Variants in SORBS2 observed in about 807,000 individuals in gnomAD.
SORBS2 encodes the protein sorbin and SH3 domain containing 2, also known as sorbin and SH3 domain-containing protein 2.
SORBS2 carries 46 observed loss-of-function variants against 97.7 expected under a neutral mutation model. That is an observed-to-expected ratio of 0.47 (90% CI 0.37 to 0.60). The LOEUF (loss-of-function observed/expected upper bound fraction) is 0.60, where lower values mean the gene tolerates loss of function less well. Among genes scored for constraint, SORBS2 ranks in the 20% least tolerant of loss-of-function variants. SORBS2 has a pLI of 0.00. For missense variants in SORBS2, 1,316 were observed against 1,282.3 expected, an observed-to-expected ratio of 1.03 and a Z score of -0.40; for synonymous variants, 476 against 473.4, an observed-to-expected ratio of 1.01 and a Z score of -0.07.
At chr4:185,863,626 T>C (rs75553267) in intron 1 of SORBS2, among the ~76,000 whole-genome samples, 1 of 152,324 alleles carries the variant, frequency 6.6e-6, no homozygotes, top group African/African-American at 2.4e-5. Context: ...TTATCATCCT[T>C]CTTCTTGTTT....
At chr4:185,934,494 C>T (rs1256954177) in intron 1 of SORBS2, among the ~76,000 whole-genome samples, 2 of 152,096 alleles carry the variant, frequency 1.3e-5, no homozygotes, top group Non-Finnish European at 2.9e-5. Context: ...ATCACGGTGG[C>T]TCACACCTGT....
chr4:185,886,563 A>AAAAAAAAAAAAAAGAAAAG (rs2099239691), intron 1 of SORBS2, among the ~76,000 whole-genome samples: 1 of 127,556 alleles, frequency 7.8e-6, no homozygotes, highest in African/African-American at 3.0e-5. Context: ...TCAAAAAAAA[A>AAAAAAAAAAAAAAGAAAAG]AAAAAAAAAA....
chr4:185,691,233 C>T (rs1174614519), intron 2 of SORBS2, among the ~76,000 whole-genome samples: 3 of 152,006 alleles, frequency 2.0e-5, no homozygotes, highest in African/African-American at 7.2e-5. Context: ...GGGTTGTGCT[C>T]TGTTACCCAG....
At chr4:185,863,154 A>G in intron 1 of SORBS2, among the ~76,000 whole-genome samples, 1 of 152,174 alleles carries the variant, frequency 6.6e-6, no homozygotes, top group East Asian at 1.9e-4. Context: ...GCATTTTTAC[A>G]TTAGGGGAAA....
At chr4:185,694,723 T>TTTTTTTTTTTTTG (rs1489055314) in intron 2 of SORBS2, among the ~76,000 whole-genome samples, 1 of 147,472 alleles carries the variant, frequency 6.8e-6, no homozygotes, top group African/African-American at 2.5e-5. Flanking sequence ...TTTCTTTTTT[T>TTTTTTTTTTTTTG]TGAGACGGAG....
At chr4:185,861,988 C>T (rs1015418441) in intron 1 of SORBS2, among the ~76,000 whole-genome samples, 10 of 152,104 alleles carry the variant, frequency 6.6e-5, no homozygotes, top group Admixed American at 2.0e-4. Flanking sequence ...GGCAATAGTC[C>T]GGATGAGAGA....
intron 2 of SORBS2, among the ~76,000 whole-genome samples, chr4:185,759,978 A>G (rs1257277432): frequency 1.3e-5 from 2 of 152,196 alleles, no homozygotes; most frequent in Non-Finnish European, 2.9e-5. Context: ...TCATATTCCT[A>G]TGGGGCAAAT....
At chr4:185,663,931 T>C (rs924601221) in intron 4 of SORBS2, among the ~76,000 whole-genome samples, 4 of 140,864 alleles carry the variant, frequency 2.8e-5, no homozygotes, top group Non-Finnish European at 4.5e-5. Context: ...CTCGGCTCAC[T>C]GCAAGCTCCG....
At chr4:185,664,766 T>A (rs1582185273) in intron 4 of SORBS2, among the ~76,000 whole-genome samples, 1 of 152,328 alleles carries the variant, frequency 6.6e-6, no homozygotes, top group South Asian at 2.1e-4. Flanking sequence ...TCTCTGCGCA[T>A]AAAATTTGCA....
chr4:185,781,894 C>T (rs561554406), intron 1 of SORBS2, among the ~76,000 whole-genome samples: 1 of 152,350 alleles, frequency 6.6e-6, no homozygotes, highest in African/African-American at 2.4e-5. Flanking sequence ...TTTTTTAACT[C>T]GTAAAGAATC....
intron 1 of SORBS2, among the ~76,000 whole-genome samples, chr4:185,828,530 T>C (rs1473656839): frequency 6.6e-6 from 1 of 152,030 alleles, no homozygotes; most frequent in Non-Finnish European, 1.5e-5. Flanking sequence ...AGGCTCCTGG[T>C]CATTTCGTTT....
intron 1 of SORBS2, among the ~76,000 whole-genome samples, chr4:185,850,240 A>G (rs974032733): frequency 6.6e-6 from 1 of 152,196 alleles, no homozygotes; most frequent in Admixed American, 6.5e-5. Context: ...GGGATGTACA[A>G]TTGGTAATGA....
At position 185,684,751 on chromosome 4, in the gene SORBS2, T is replaced by C; in HGVS notation, c.-197-5929A>G. 1 of 1,546,162 alleles carries C rather than the reference T, an allele frequency of 6.5e-7. No homozygotes were observed. Among genetic ancestry groups the C allele is most frequent in the Non-Finnish European group, 8.8e-7 (1 of 1,141,898 alleles). ...GACATTGTGTGAGTTAGTGATATTA[T>C]ACCTGCAGCCAATAGGTTTGGAGAA... is the stretch of plus-strand genomic sequence containing the variant. On this transcript the variant is annotated intron_variant, in intron 2 of 20. Transcript: ENST00000284776. This position sits in a 1 kb window ranked among gnomAD's most constrained non-coding sequence, Gnocchi z 4.2.
In SORBS2 at chr4:185,747,990, C is replaced by CA. The variant is rs377171361; in HGVS notation, c.-198+27236dup. Reference sequence around the variant, plus strand: ...TGGGTAACAGAGTGAGACTCAGTTTCAAAAAAAAAACAAGGTCTTTGCTGC... The same window carrying CA: ...TGGGTAACAGAGTGAGACTCAGTTTCAAAAAAAAAAACAAGGTCTTTGCTGC... On this transcript the variant is annotated intron_variant, in intron 2 of 20. Coordinates refer to the SORBS2 transcript ENST00000284776. Among the ~76,000 whole-genome samples, 72 of 147,130 alleles carry CA rather than the reference C, an allele frequency of 4.9e-4. 1 individual carries two copies. Among genetic ancestry groups the CA allele is most frequent in the African/African-American group, 1.3e-3 (52 of 40,214 alleles).
intron 4 of SORBS2, among the ~76,000 whole-genome samples, chr4:185,671,492 G>A (rs2097711782): frequency 6.6e-6 from 1 of 152,106 alleles, no homozygotes; most frequent in South Asian, 2.1e-4. Context: ...TAAAATATAG[G>A]CATGGATAAA....
rs549367101 is a variant in SORBS2 at position 185,607,085 on chromosome 4, C to T, written c.2796+4695G>A. On this transcript the variant is annotated intron_variant, in intron 12 of 14. Coordinates refer to ENST00000418609, the Ensembl canonical transcript of SORBS2. The surrounding 1 kb of genome is among the most constrained non-coding windows in gnomAD (Gnocchi z 5.2). Reference sequence around the variant, plus strand: ...GTCGCTGGGGACAATGGGAGGAGGACAGCAGGTTCCTCCTTAATTTCCAGG... The same window carrying T: ...GTCGCTGGGGACAATGGGAGGAGGATAGCAGGTTCCTCCTTAATTTCCAGG... The T allele has an allele frequency of 3.8e-6, 4 of 1,057,766 alleles. No individual in the cohort carries two copies. The African/African-American group carries it at 5.2e-5, about 14-fold the overall frequency. 65.5% of individuals were successfully genotyped at this position (1,057,766 alleles called of 1,614,324 possible). A position where few individuals can be genotyped will look rare whatever the true frequency, so the allele number is the denominator to read the frequency against.
At chr4:185,676,423 A>G (rs191697007) in intron 4 of SORBS2, among the ~76,000 whole-genome samples, 2 of 152,240 alleles carry the variant, frequency 1.3e-5, no homozygotes, top group Non-Finnish European at 2.9e-5. Flanking sequence ...ACACACATGG[A>G]AAGTTTTACT....
intron 1 of SORBS2, among the ~76,000 whole-genome samples, chr4:185,838,965 A>C (rs1345149264): frequency 6.6e-6 from 1 of 152,152 alleles, no homozygotes; most frequent in Non-Finnish European, 1.5e-5. Context: ...TTGTCCTTCC[A>C]GCAGGCACCG....
chr4:185,769,985 AT>A (rs969701782), intron 2 of SORBS2, among the ~76,000 whole-genome samples: 3 of 151,308 alleles, frequency 2.0e-5, no homozygotes, highest in East Asian at 1.9e-4. Context: ...TGTACACTGT[AT>A]TTTTTTTCTT....
Sources: gnomAD v4.1 joint callset for allele counts (sites outside exome capture counted in the v4.1 genomes callset) on GRCh38, gnomAD v4.1.1 for gene constraint, Gnocchi (gnomAD v3.1) non-coding constraint, MANE v1.5 for transcripts, NCBI Gene and HGNC (gene_info 2026-07-23, HGNC 2026-07-21) for gene names.